The following TBC1D19 variants were observed in gnomAD, a reference collection of about 807,000 sequenced individuals.
The protein encoded by TBC1D19 is TBC1 domain family, member 19.
Under a neutral mutation model 89.0 loss-of-function variants are expected in TBC1D19, and 60 were observed. The ratio of observed to expected loss-of-function variants is 0.67; its 90% CI spans 0.55 to 0.84. The LOEUF (loss-of-function observed/expected upper bound fraction) is 0.84. Ranked by LOEUF, TBC1D19 falls within the 40% of genes least tolerant of loss-of-function variation. The pLI is 0.00. For synonymous variants in TBC1D19, 189 were observed against 199.7 expected (o/e 0.95, Z 0.45); for missense variants, 500 against 610.8 (o/e 0.82, Z 1.91).
chr4:26,739,461 G>A (rs115877427), intron 16 of TBC1D19, among the ~76,000 whole-genome samples: 1,714 of 152,112 alleles, frequency 0.011, 35 homozygotes, highest in African/African-American at 0.04. Context: ...ATTTTGAAAT[G>A]TGGCCTGAAT....
intron 4 of TBC1D19, among the ~76,000 whole-genome samples, chr4:26,625,410 A>C (rs1742328304): frequency 2.0e-5 from 3 of 152,190 alleles, no homozygotes. Flanking sequence ...TAGCACAGAG[A>C]GTTCTCATAG....
chr4:26,802,027 G>A, the TBC1D19 span, among the ~76,000 whole-genome samples: 2 of 152,068 alleles, frequency 1.3e-5, no homozygotes, highest in Admixed American at 6.6e-5. Flanking sequence ...AAAGAAATCT[G>A]GGCCACATTT....
chr4:26,719,667 C>T (rs1716853996), intron 14 of TBC1D19, among the ~76,000 whole-genome samples: 1 of 152,054 alleles, frequency 6.6e-6, no homozygotes, highest in Non-Finnish European at 1.5e-5. Context: ...TACAGCTAGT[C>T]ATTTAATTTT....
chr4:26,622,298 C>G (rs1742107937), intron 4 of TBC1D19, among the ~76,000 whole-genome samples: 1 of 151,730 alleles, frequency 6.6e-6, no homozygotes, highest in Non-Finnish European at 1.5e-5. Flanking sequence ...AAGGTTGGGC[C>G]TGAATATTTT....
intron 4 of TBC1D19, among the ~76,000 whole-genome samples, chr4:26,635,407 G>A (rs1743061060): frequency 6.6e-6 from 1 of 152,062 alleles, no homozygotes; most frequent in African/African-American, 2.4e-5. Flanking sequence ...TACCAAATAA[G>A]TCTGGGATCT....
At chr4:26,664,760 T>C (rs1711643493) in intron 8 of TBC1D19, among the ~76,000 whole-genome samples, 1 of 151,928 alleles carries the variant, frequency 6.6e-6, no homozygotes, top group Admixed American at 6.6e-5. Context: ...TCATTGTCCC[T>C]CCCCCTGTGC....
chr4:26,738,775 A>G (rs1335790537), intron 16 of TBC1D19, among the ~76,000 whole-genome samples: 1 of 152,118 alleles, frequency 6.6e-6, no homozygotes, highest in Non-Finnish European at 1.5e-5. Context: ...TTTATCAGTA[A>G]TACTGTGCAT....
chr4:26,671,913 A>G (rs550737150), intron 9 of TBC1D19, among the ~76,000 whole-genome samples: 3 of 151,938 alleles, frequency 2.0e-5, no homozygotes, highest in Non-Finnish European at 4.4e-5. Context: ...TGTTTTAACA[A>G]AGGGAAAATT....
the TBC1D19 span, among the ~76,000 whole-genome samples, chr4:26,816,574 A>T: frequency 9.8e-5 from 15 of 152,336 alleles, no homozygotes; most frequent in African/African-American, 2.4e-4. Context: ...CAAAGTTAAT[A>T]TACCTGATAA....
the TBC1D19 span, among the ~76,000 whole-genome samples, chr4:26,792,153 G>A: frequency 6.6e-6 from 1 of 151,754 alleles, no homozygotes. Flanking sequence ...TTTTTTCTAT[G>A]CTAAGAATAA....
chr4:26,645,932 G>A (rs1743896402), intron 7 of TBC1D19, among the ~76,000 whole-genome samples: 2 of 151,770 alleles, frequency 1.3e-5, no homozygotes, highest in African/African-American at 4.8e-5. Flanking sequence ...GACCATCCCG[G>A]CTAAAACGGT....
chr4:26,741,125 G>C (rs995887243), intron 17 of TBC1D19, among the ~76,000 whole-genome samples: 3 of 152,090 alleles, frequency 2.0e-5, no homozygotes, highest in Admixed American at 2.0e-4. Flanking sequence ...GGGAGGCCGA[G>C]GCGGGTGGAT....
At chr4:26,779,567 C>A in the TBC1D19 span, among the ~76,000 whole-genome samples, 1 of 152,240 alleles carries the variant, frequency 6.6e-6, no homozygotes, top group Non-Finnish European at 1.5e-5. Flanking sequence ...GGCTTCCCAG[C>A]AGCAACTGGG....
intron 4 of TBC1D19, among the ~76,000 whole-genome samples, chr4:26,626,494 G>T (rs371246275): frequency 6.5e-4 from 99 of 152,190 alleles, no homozygotes; most frequent in African/African-American, 2.3e-3. Flanking sequence ...TATGAGGTGG[G>T]TTACTAATGT....
chr4:26,849,590 C>G, the TBC1D19 span, among the ~76,000 whole-genome samples: 1 of 152,138 alleles, frequency 6.6e-6, no homozygotes. Context: ...TTAGATGGAA[C>G]ATATCTTGGG....
chr4:26,760,128 C>T (rs1250480108), downstream of TBC1D19, among the ~76,000 whole-genome samples: 1 of 152,166 alleles, frequency 6.6e-6, no homozygotes, highest in Non-Finnish European at 1.5e-5. Context: ...TTGGTGTTGT[C>T]ATATTAGTCA....
rs534524907 is a variant in TBC1D19 at position 26,714,589 on chromosome 4, C to T, written c.955-3344C>T. ...GTGGCAAATTCAGCATTTTGCGGACCTAAAGCTTATAAAATTTGGAAGGCC... is the reference window on the plus strand; with the variant it reads ...GTGGCAAATTCAGCATTTTGCGGACTTAAAGCTTATAAAATTTGGAAGGCC... On this transcript the variant is annotated intron_variant, in intron 13 of 20. Transcript: ENST00000264866. 2.4e-4 allele frequency among the ~76,000 whole-genome samples: 36 copies of T among 151,994 alleles called. No individual in the cohort carries two copies. In the South Asian group the frequency reaches 7.1e-3, roughly 30 times the overall value.
intron 15 of TBC1D19, among the ~76,000 whole-genome samples, chr4:26,724,269 G>A (rs189938563): frequency 1.3e-5 from 2 of 152,328 alleles, no homozygotes; most frequent in East Asian, 3.9e-4. Context: ...TCCAATGTCT[G>A]TGCTTCCTCA....
the TBC1D19 span, among the ~76,000 whole-genome samples, chr4:26,839,877 A>G: frequency 0.013 from 1,947 of 152,218 alleles, 44 homozygotes; most frequent in African/African-American, 0.045. Flanking sequence ...TGGGTTTGGT[A>G]TTGCGTAGGG....
Sources: allele counts gnomAD v4.1 joint callset (sites outside exome capture counted in the v4.1 genomes callset), GRCh38; gene constraint gnomAD v4.1.1; transcripts MANE v1.5; gene names NCBI Gene and HGNC (gene_info 2026-07-23, HGNC 2026-07-21).